Variants in NR6A1 observed in about 807,000 individuals in gnomAD.
The protein encoded by NR6A1 is nuclear receptor subfamily 6 group A member 1, also known as retinoic acid receptor-related testis-associated receptor.
A neutral mutation model predicts 59.1 loss-of-function variants in NR6A1; 7 were observed. The ratio of observed to expected loss-of-function variants is 0.12; its 90% CI spans 0.07 to 0.22. The LOEUF is 0.22. Among genes scored for constraint, NR6A1 ranks in the 10% least tolerant of loss-of-function variants. NR6A1 has a pLI of 1.00. For synonymous variants in NR6A1, 243 were observed against 236.1 expected, an observed-to-expected ratio of 1.03 and a Z score of -0.27; for missense variants, 468 against 611.6, an observed-to-expected ratio of 0.77 and a Z score of 2.48.
intron 2 of NR6A1, chr9:124,595,686 T>C: frequency 2.2e-5 from 18 of 818,396 alleles, no homozygotes; most frequent in Non-Finnish European, 2.9e-5. Flanking sequence ...CTCAAGGCTA[T>C]TTGCTCTAAA....
At chr9:124,669,805 C>T (rs1837734595) in intron 2 of NR6A1, among the ~76,000 whole-genome samples, 1 of 152,128 alleles carries the variant, frequency 6.6e-6, no homozygotes, top group Non-Finnish European at 1.5e-5. Context: ...CTATGTTGAC[C>T]AGGCTAGTCT....
At chr9:124,539,959 C>A (rs1833390604) in intron 5 of NR6A1, 74 bp downstream of exon 5, 2 of 1,485,410 alleles carry the variant, frequency 1.3e-6, no homozygotes, top group Admixed American at 2.1e-5. Flanking sequence ...GGATACTCAG[C>A]CAGAGGTTTT....
At chr9:124,653,654 C>T (rs1295678657) in intron 2 of NR6A1, among the ~76,000 whole-genome samples, 1 of 152,198 alleles carries the variant, frequency 6.6e-6, no homozygotes, top group Non-Finnish European at 1.5e-5. Flanking sequence ...GCAATCCTTC[C>T]ACCATGGCGT....
At chr9:124,594,464 T>A (rs527866028) in intron 2 of NR6A1, among the ~76,000 whole-genome samples, 2 of 152,304 alleles carry the variant, frequency 1.3e-5, no homozygotes, top group African/African-American at 4.8e-5. Context: ...TAATTACTGC[T>A]CTGGGACTCT....
chr9:124,726,804 A>T (rs1588832646), intron 2 of NR6A1, among the ~76,000 whole-genome samples: 1 of 152,246 alleles, frequency 6.6e-6, no homozygotes, highest in Non-Finnish European at 1.5e-5. Context: ...CTAACCTTGG[A>T]ATGTAAGAGA....
At chr9:124,751,357 T>C (rs73585442) in intron 1 of NR6A1, among the ~76,000 whole-genome samples, 5,837 of 152,226 alleles carry the variant, frequency 0.038, 359 homozygotes, top group African/African-American at 0.13. Flanking sequence ...AGAGAAAAAT[T>C]AAGTTTTTGT....
chr9:124,748,724 G>C (rs1840407595), intron 1 of NR6A1, among the ~76,000 whole-genome samples: 1 of 152,048 alleles, frequency 6.6e-6, no homozygotes, highest in Non-Finnish European at 1.5e-5. Flanking sequence ...AATTAGCCAG[G>C]CGCGGTGGCA....
rs1019938811 is a variant in NR6A1, at chr9:124,518,758, T to G, written c.*3947A>C. 2 of 135,566 alleles carry G rather than the reference T, an allele frequency of 1.5e-5. No individual in the cohort carries two copies. The highest frequency in any genetic ancestry group is 2.3e-4 in the South Asian group (1 of 4,434). The allele number at this position is 135,566 out of a possible 1,614,324, so 8.4% of individuals were successfully genotyped here. On this transcript the variant is annotated 3_prime_UTR_variant, in exon 10 of 10. Transcript: ENST00000487099. ...TGTTAAATTTTGTTTGTTTTTTGGG[T>G]TTTTTTTTTTTTTACTTTAAAAAAA...
At chr9:124,715,947 A>C (rs115043171) in intron 2 of NR6A1, among the ~76,000 whole-genome samples, 1,580 of 152,330 alleles carry the variant, frequency 0.01, 28 homozygotes, top group African/African-American at 0.035. Flanking sequence ...TCATGCCTAA[A>C]ATCCCAACAC....
intron 2 of NR6A1, among the ~76,000 whole-genome samples, chr9:124,593,364 T>TCC (rs1215611818): frequency 6.6e-6 from 1 of 151,712 alleles, no homozygotes. Context: ...TAATGATGCC[T>TCC]CCAAAACCAA....
chr9:124,761,495 G>A (rs1840783437), intron 1 of NR6A1, among the ~76,000 whole-genome samples: 1 of 152,162 alleles, frequency 6.6e-6, no homozygotes. Flanking sequence ...TAACAACACA[G>A]TAATTGACTT....
chr9:124,661,489 C>T (rs1837431660), intron 2 of NR6A1, among the ~76,000 whole-genome samples: 1 of 152,160 alleles, frequency 6.6e-6, no homozygotes, highest in Non-Finnish European at 1.5e-5. Flanking sequence ...CATTAGTAAA[C>T]ACAAGTTCGA....
chr9:124,770,708 ACG>A, intron 1 of NR6A1, among the ~76,000 whole-genome samples: 1 of 34,804 alleles, frequency 2.9e-5, no homozygotes, highest in African/African-American at 1.2e-4. Flanking sequence ...TGCTGAGGGG[ACG>A]GGGGGAGGGG....
chr9:124,629,988 A>G (rs945454977), intron 2 of NR6A1, among the ~76,000 whole-genome samples: 3 of 152,236 alleles, frequency 2.0e-5, no homozygotes, highest in Non-Finnish European at 4.4e-5. Context: ...ACATTTTGAG[A>G]TACTAAAGTA....
At chr9:124,712,585 G>A (rs1054118732) in intron 2 of NR6A1, among the ~76,000 whole-genome samples, 3 of 150,204 alleles carry the variant, frequency 2.0e-5, no homozygotes, top group Non-Finnish European at 4.4e-5. Context: ...TCCAGCCTGG[G>A]CGACAGAACA....
chr9:124,550,142 CA>C (rs1276731814), intron 3 of NR6A1, among the ~76,000 whole-genome samples: 4 of 152,112 alleles, frequency 2.6e-5, no homozygotes, highest in Non-Finnish European at 5.9e-5. Flanking sequence ...TGTTTCATAT[CA>C]GGGGGTATAT....
chr9:124,621,084 C>G (rs1364430438), intron 2 of NR6A1, among the ~76,000 whole-genome samples: 1 of 152,148 alleles, frequency 6.6e-6, no homozygotes, highest in Non-Finnish European at 1.5e-5. Context: ...AAAAATGTAC[C>G]AAGACTTCAA....
intron 2 of NR6A1, among the ~76,000 whole-genome samples, chr9:124,680,833 C>T (rs1355671962): frequency 3.3e-5 from 5 of 152,186 alleles, no homozygotes; most frequent in Non-Finnish European, 7.3e-5. Flanking sequence ...AACTCTAAGA[C>T]ATTATTTGCC....
intron 2 of NR6A1, among the ~76,000 whole-genome samples, chr9:124,612,048 T>C (rs900118819): frequency 6.6e-6 from 1 of 152,216 alleles, no homozygotes; most frequent in African/African-American, 2.4e-5. Flanking sequence ...AATATGTATC[T>C]GATGAATATC....
Sources: allele counts gnomAD v4.1 joint callset (sites outside exome capture counted in the v4.1 genomes callset), GRCh38; gene constraint gnomAD v4.1.1; transcripts MANE v1.5; gene names NCBI Gene and HGNC (gene_info 2026-07-23, HGNC 2026-07-21).